Variants in MICU2 observed in about 807,000 individuals in gnomAD.
MICU2 encodes the protein calcium uptake protein 2, mitochondrial.
Under a neutral mutation model 60.4 loss-of-function variants are expected in MICU2, and 64 were observed. That is an observed-to-expected ratio of 1.06 (90% confidence interval 0.87 to 1.31). The LOEUF is 1.31. Among genes scored for constraint, MICU2 ranks in the 50% most tolerant of loss-of-function variants. The pLI, the probability that MICU2 is intolerant of heterozygous loss-of-function variation, is 0.00. For missense variants in MICU2, 569 were observed against 531.0 expected (o/e 1.07, Z -0.70); for synonymous variants, 201 against 175.0 (o/e 1.15, Z -1.17).
chr13:21,510,177 G>C lies in MICU2; in HGVS notation c.664-76C>G, dbSNP rs1404973594. 4 of 724,958 alleles carry C rather than the reference G, an allele frequency of 5.5e-6. No homozygotes were observed. The African/African-American group carries it at 7.5e-5, about 14-fold the overall frequency. The allele number at this position is 724,958 out of a possible 1,614,324, so 44.9% of individuals were successfully genotyped here. A position where few individuals can be genotyped will look rare whatever the true frequency, so the allele number is the denominator to read the frequency against. On this transcript the variant is annotated intron_variant, in intron 7 of 11. Coordinates refer to ENST00000382374, the MANE Select transcript of MICU2 (RefSeq NM_152726.3). ...TAGAATCTGTAGAGTAGAAATCTTA[G>C]AATAATATCCAGAAAGGATTCTTCT...
chr13:21,575,402 A>G (rs1888199488), intron 1 of MICU2, among the ~76,000 whole-genome samples: 1 of 150,222 alleles, frequency 6.7e-6, no homozygotes, highest in Non-Finnish European at 1.5e-5. Context: ...CAAAAAGTTT[A>G]AACTAGGTTT....
At chr13:21,599,564 A>T (rs4770178) in intron 1 of MICU2, among the ~76,000 whole-genome samples, 3 of 152,172 alleles carry the variant, frequency 2.0e-5, no homozygotes, top group African/African-American at 7.2e-5. Flanking sequence ...TCTTTGTAGG[A>T]GGCACTATTT....
At chr13:21,524,298 C>G (rs888203089) in intron 4 of MICU2, among the ~76,000 whole-genome samples, 1 of 151,988 alleles carries the variant, frequency 6.6e-6, no homozygotes, top group East Asian at 1.9e-4. Context: ...CAATAATTAT[C>G]AATTCATGGC....
intron 4 of MICU2, among the ~76,000 whole-genome samples, chr13:21,526,163 T>C (rs1197581759): frequency 1.4e-5 from 2 of 142,584 alleles, no homozygotes; most frequent in African/African-American, 5.2e-5. Flanking sequence ...TATGTTGCCC[T>C]GGCTGGTCTT....
At chr13:21,602,615 C>A (rs9506712) in intron 1 of MICU2, 1 of 151,946 alleles carries the variant, frequency 6.6e-6, no homozygotes, top group Non-Finnish European at 1.5e-5. Context: ...CTCCTTGGCA[C>A]AAGATTCACA....
At chr13:21,577,547 C>A (rs1187661722) in intron 1 of MICU2, among the ~76,000 whole-genome samples, 1 of 152,018 alleles carries the variant, frequency 6.6e-6, no homozygotes, top group Non-Finnish European at 1.5e-5. Flanking sequence ...GTGGCTCACA[C>A]CTGTAATCCC....
At chr13:21,593,501 T>TAA (rs71093337) in intron 1 of MICU2, among the ~76,000 whole-genome samples, 2 of 127,978 alleles carry the variant, frequency 1.6e-5, no homozygotes, top group African/African-American at 3.3e-5. Context: ...TTCCCAGAAT[T>TAA]AAAAAAAAAA....
intron 8 of MICU2, 30 bp from the exon 9 acceptor site, chr13:21,503,127 TAACTAGTGGCATTC>T: frequency 2.0e-6 from 3 of 1,519,344 alleles, no homozygotes; most frequent in Non-Finnish European, 2.7e-6. Flanking sequence ...ATTAGTAAGG[TAACTAGTGGCATTC>T]AACCTTAAAT....
At chr13:21,513,077 C>T (rs1474154652) in intron 7 of MICU2, among the ~76,000 whole-genome samples, 1 of 151,966 alleles carries the variant, frequency 6.6e-6, no homozygotes, top group African/African-American at 2.4e-5. Context: ...TTTTCTTGTA[C>T]CTAGTCACCT....
At chr13:21,552,903 C>T (rs906533999) in intron 2 of MICU2, among the ~76,000 whole-genome samples, 9 of 151,988 alleles carry the variant, frequency 5.9e-5, no homozygotes, top group African/African-American at 1.4e-4. Context: ...GGATTGACTT[C>T]GCAATGCGGG....
intron 1 of MICU2, among the ~76,000 whole-genome samples, chr13:21,577,004 A>G (rs1461855018): frequency 2.0e-5 from 3 of 152,086 alleles, no homozygotes; most frequent in African/African-American, 7.3e-5. Flanking sequence ...TCAGGAGCAG[A>G]TTTGCAATTT....
chr13:21,535,408 T>G (rs936080771), intron 4 of MICU2, among the ~76,000 whole-genome samples: 1 of 152,168 alleles, frequency 6.6e-6, no homozygotes, highest in African/African-American at 2.4e-5. Flanking sequence ...ATATCTTTCT[T>G]AAGAGTCTCA....
intron 2 of MICU2, among the ~76,000 whole-genome samples, chr13:21,543,951 T>C (rs1466382850): frequency 6.6e-6 from 1 of 152,080 alleles, no homozygotes; most frequent in African/African-American, 2.4e-5. Context: ...AACAGCATGG[T>C]ATGGCATAAA....
chr13:21,539,525 C>G, intron 3 of MICU2, 132 bp downstream of exon 3: 1 of 1,340,876 alleles, frequency 7.5e-7, no homozygotes, highest in East Asian at 2.3e-5. Flanking sequence ...ATGGTGATCT[C>G]CTGACCTCGT....
At chr13:21,513,739 CAAAAAAAA>C (rs376128312) in intron 7 of MICU2, among the ~76,000 whole-genome samples, 1 of 59,112 alleles carries the variant, frequency 1.7e-5, no homozygotes, top group Admixed American at 3.3e-4. Flanking sequence ...GACTCTGTCT[CAAAAAAAA>C]AAAAAAAAAA....
chr13:21,499,774 C>T (rs1459191130), intron 9 of MICU2, among the ~76,000 whole-genome samples: 2 of 151,690 alleles, frequency 1.3e-5, no homozygotes, highest in Admixed American at 6.6e-5. Flanking sequence ...ATTATATCTT[C>T]GAGGATTTCA....
intron 4 of MICU2, among the ~76,000 whole-genome samples, chr13:21,532,953 G>A (rs992358186): frequency 3.9e-5 from 6 of 152,136 alleles, no homozygotes; most frequent in Admixed American, 3.3e-4. Flanking sequence ...TAGGAATAAG[G>A]TAGAGAGAAA....
intron 2 of MICU2, among the ~76,000 whole-genome samples, chr13:21,541,284 T>G (rs1887277048): frequency 6.6e-6 from 1 of 151,588 alleles, no homozygotes. Context: ...TGAAACTGAG[T>G]GAGTAAAGAA....
chr13:21,557,069 C>A (rs1398727199), intron 2 of MICU2, among the ~76,000 whole-genome samples: 4 of 152,066 alleles, frequency 2.6e-5, no homozygotes, highest in Non-Finnish European at 5.9e-5. Flanking sequence ...GGAAAAATAT[C>A]CAAGAGGAAC....
Sources: allele counts gnomAD v4.1 joint callset (sites outside exome capture counted in the v4.1 genomes callset), GRCh38; gene constraint gnomAD v4.1.1; transcripts MANE v1.5; gene names NCBI Gene and HGNC (gene_info 2026-07-23, HGNC 2026-07-21).